Variants in TMOD3 observed in about 807,000 individuals in gnomAD.
TMOD3 encodes the protein tropomodulin 3.
TMOD3 carries 20 observed loss-of-function variants against 39.2 expected under a neutral mutation model. The ratio of observed to expected loss-of-function variants is 0.51; its 90% CI spans 0.36 to 0.74. TMOD3 has a LOEUF of 0.74. Among genes scored for constraint, TMOD3 ranks in the 30% least tolerant of loss-of-function variants. The pLI, the probability that TMOD3 is intolerant of heterozygous loss-of-function variation, is 0.00. For synonymous variants in TMOD3, 143 were observed against 145.8 expected, an observed-to-expected ratio of 0.98 and a Z score of 0.14; for missense variants, 381 against 412.8, an observed-to-expected ratio of 0.92 and a Z score of 0.67.
At position 51,887,709 on chromosome 15, in the gene TMOD3, C is replaced by G. The variant is rs373235159; in HGVS notation, c.404C>G (p.Ala135Gly). 1.9e-6 allele frequency: 3 copies of G among 1,613,634 alleles called. No homozygotes were observed. The highest frequency in any genetic ancestry group is 2.5e-6 in the Non-Finnish European group (3 of 1,179,884). ...SASDTELCDLAAILGMHNLIT... is the reference protein window; with the variant it reads ...SASDTELCDLGAILGMHNLIT... Reference sequence around the variant, plus strand: ...TCTGATACAGAATTGTGTGACCTCGCAGGTATCACCTAAAACAAGTTAATT... The same window carrying G: ...TCTGATACAGAATTGTGTGACCTCGGAGGTATCACCTAAAACAAGTTAATT... Residue 135 changes from alanine to glycine, a missense_variant and splice_region_variant, in exon 4 of 10, where the codon GCA becomes GGA. Ala to Gly is a moderately conservative substitution (Grantham distance 60, BLOSUM62 0). Transcript: ENST00000308580.
At chr15:51,868,269 A>G (rs778224395) in intron 2 of TMOD3, among the ~76,000 whole-genome samples, 1 of 152,106 alleles carries the variant, frequency 6.6e-6, no homozygotes, top group African/African-American at 2.4e-5. Flanking sequence ...GTACATATAT[A>G]TACACTGAGC....
At chr15:51,879,962 A>G (rs1265536212) in intron 3 of TMOD3, among the ~76,000 whole-genome samples, 1 of 152,116 alleles carries the variant, frequency 6.6e-6, no homozygotes, top group Non-Finnish European at 1.5e-5. Flanking sequence ...CCTGCAAGAC[A>G]TTGAGAGCAC....
intron 1 of TMOD3, chr15:51,861,216 C>G (rs1176335383): frequency 6.5e-6 from 3 of 463,626 alleles, no homozygotes; most frequent in African/African-American, 6.0e-5. Context: ...CTCTGCATGA[C>G]TGAACAGTCC....
rs57976840 is a variant in TMOD3 at position 51,901,572 on chromosome 15, AGTGTGTGTGTGTGT to A, written c.880-293_880-280del. 179 of 184,894 alleles carry A rather than the reference AGTGTGTGTGTGTGT, an allele frequency of 9.7e-4. 2 individuals are homozygous for A. Among genetic ancestry groups the A allele is most frequent in the African/African-American group, 4.0e-3 (158 of 39,614 alleles). The allele number at this position is 184,894 out of a possible 1,614,324, so 11.5% of individuals were successfully genotyped here. ...CATATTACTGAACTTTAAAAAGTTT[AGTGTGTGTGTGTGT>A]GTGTGTGTGTGTGTGTGTGTGTGTG... On this transcript the variant is annotated intron_variant, in intron 8 of 9. Coordinates refer to ENST00000308580, the MANE Select transcript of TMOD3 (RefSeq NM_014547.5).
chr15:51,857,579 T>A (rs1192552943), intron 1 of TMOD3, among the ~76,000 whole-genome samples: 1 of 152,194 alleles, frequency 6.6e-6, no homozygotes, highest in Non-Finnish European at 1.5e-5. Flanking sequence ...CCTGTTAGAA[T>A]GATCATTGAA....
chr15:51,898,016 A>G (rs928916415), intron 7 of TMOD3, among the ~76,000 whole-genome samples: 3 of 152,156 alleles, frequency 2.0e-5, no homozygotes, highest in African/African-American at 7.2e-5. Flanking sequence ...AGTTCTTTAC[A>G]TAGCACCAAG....
chr15:51,830,958 A>G (rs1248394470), intron 1 of TMOD3, among the ~76,000 whole-genome samples: 2 of 152,210 alleles, frequency 1.3e-5, no homozygotes, highest in African/African-American at 4.8e-5. Flanking sequence ...ATGTCCCAAT[A>G]TATTTTAATT....
At position 51,869,213 on chromosome 15, in the gene TMOD3, G is replaced by T. The variant is rs377159136; in HGVS notation, c.127-4G>T. 1.1e-4 allele frequency: 184 copies of T among 1,612,474 alleles called. No individual in the cohort carries two copies. The highest frequency in any genetic ancestry group is 1.5e-4 in the Non-Finnish European group (179 of 1,179,532). On this transcript the variant is annotated splice_region_variant and splice_polypyrimidine_tract_variant and intron_variant, in intron 2 of 9. Coordinates refer to ENST00000308580, the MANE Select transcript of TMOD3 (RefSeq NM_014547.5). The stretch of plus-strand genomic sequence containing the variant: ...CATATTGGCTGATTCATTCTCTCTG[G>T]CAGAATGCCCTTCTGCCTGCAGGGT...
intron 9 of TMOD3, among the ~76,000 whole-genome samples, chr15:51,904,395 A>T (rs901655483): frequency 6.6e-6 from 1 of 152,222 alleles, no homozygotes; most frequent in South Asian, 2.1e-4. Flanking sequence ...CACAATAGGT[A>T]CTTAAGAAAA....
chr15:51,833,985 T>C (rs1031911414), intron 1 of TMOD3, among the ~76,000 whole-genome samples: 4 of 152,234 alleles, frequency 2.6e-5, no homozygotes, highest in Admixed American at 6.5e-5. Context: ...CACTACAGGA[T>C]GTATGGTTGT....
At chr15:51,838,593 T>C (rs2056298058) in intron 1 of TMOD3, among the ~76,000 whole-genome samples, 1 of 152,152 alleles carries the variant, frequency 6.6e-6, no homozygotes, top group African/African-American at 2.4e-5. Flanking sequence ...GTGCCTCTGC[T>C]CCATTTTAGG....
intron 7 of TMOD3, among the ~76,000 whole-genome samples, chr15:51,897,268 C>G (rs959326538): frequency 6.6e-6 from 1 of 151,940 alleles, no homozygotes; most frequent in Non-Finnish European, 1.5e-5. Context: ...GCTGATGACT[C>G]CCAGTGTTAT....
chr15:51,845,135 A>G (rs2056329527), intron 1 of TMOD3, among the ~76,000 whole-genome samples: 1 of 152,200 alleles, frequency 6.6e-6, no homozygotes, highest in South Asian at 2.1e-4. Flanking sequence ...TTAAAATCAT[A>G]GACAATTAGA....
chr15:51,867,457 C>T (rs562286672), intron 2 of TMOD3, among the ~76,000 whole-genome samples: 1 of 152,160 alleles, frequency 6.6e-6, no homozygotes, highest in African/African-American at 2.4e-5. Context: ...AGGAATGTTT[C>T]GTCTTTACAG....
chr15:51,881,976 C>T (rs1389296069), intron 3 of TMOD3, among the ~76,000 whole-genome samples: 1 of 151,506 alleles, frequency 6.6e-6, no homozygotes. Flanking sequence ...CTCACTGCAA[C>T]CTCCGCCTCC....
intron 5 of TMOD3, 51 bp from the exon 6 acceptor site, chr15:51,893,764 C>CAAA (rs11370809): frequency 3.6e-4 from 448 of 1,240,690 alleles, no homozygotes; most frequent in East Asian, 1.8e-3. Flanking sequence ...GACTCCGTCT[C>CAAA]AAAAAAAAAA....
chr15:51,847,128 G>A (rs557702244), intron 1 of TMOD3, among the ~76,000 whole-genome samples: 16 of 152,174 alleles, frequency 1.1e-4, no homozygotes, highest in Non-Finnish European at 2.4e-4. Context: ...TCTCTCAGCA[G>A]GGTCTTGTTG....
At chr15:51,836,136 T>C (rs1481867223) in intron 1 of TMOD3, among the ~76,000 whole-genome samples, 1 of 152,240 alleles carries the variant, frequency 6.6e-6, no homozygotes, top group Non-Finnish European at 1.5e-5. Flanking sequence ...ATAACAGCTT[T>C]AGTGAGATAT....
intron 9 of TMOD3, among the ~76,000 whole-genome samples, chr15:51,905,627 T>C (rs1243334314): frequency 6.6e-6 from 1 of 152,192 alleles, no homozygotes; most frequent in Non-Finnish European, 1.5e-5. Flanking sequence ...GAATACATGA[T>C]TAAGATACTT....
Sources: allele counts gnomAD v4.1 joint callset (sites outside exome capture counted in the v4.1 genomes callset), GRCh38; gene constraint gnomAD v4.1.1; transcripts MANE v1.5; gene names NCBI Gene and HGNC (gene_info 2026-07-23, HGNC 2026-07-21).